The following FNTB variants were observed in gnomAD, a reference collection of about 807,000 sequenced individuals.
The protein encoded by FNTB is farnesyltransferase, CAAX box, subunit beta.
Under a neutral mutation model 59.4 loss-of-function variants are expected in FNTB, and 27 were observed. That is an observed-to-expected ratio of 0.45 (90% CI 0.34 to 0.63). The LOEUF (loss-of-function observed/expected upper bound fraction) is 0.63, where lower values mean the gene tolerates loss of function less well. Among genes scored for constraint, FNTB ranks in the 20% least tolerant of loss-of-function variants. The pLI is 0.02. For synonymous variants in FNTB, 230 were observed against 220.7 expected (o/e 1.04, Z -0.37); for missense variants, 449 against 559.6 (o/e 0.80, Z 1.99).
chr14:65,022,052 C>G (rs946634888), intron 4 of FNTB: 3 of 455,948 alleles, frequency 6.6e-6, no homozygotes, highest in African/African-American at 6.0e-5. Flanking sequence ...CTGTGAGCAG[C>G]AGAGGCCACC....
intron 7 of FNTB, among the ~76,000 whole-genome samples, chr14:65,033,633 G>A (rs1292219670): frequency 2.0e-5 from 3 of 152,188 alleles, no homozygotes; most frequent in African/African-American, 4.8e-5. Flanking sequence ...CAGGGCAAGC[G>A]GATCATGAGG....
intron 10 of FNTB, 23 bp downstream of exon 10, chr14:65,053,372 G>A: frequency 1.4e-6 from 2 of 1,403,134 alleles, no homozygotes; most frequent in Non-Finnish European, 1.9e-6. Flanking sequence ...TCTCTGGGGA[G>A]GGAAGGGAGA....
rs2062864499 is a variant in FNTB, at chr14:65,061,464, G to A, written c.*152G>A. On this transcript the variant is annotated 3_prime_UTR_variant, in exon 12 of 12. Coordinates refer to ENST00000246166, the MANE Select transcript of FNTB (RefSeq NM_002028.4). ...TACTTTCTTGTCAAACAAAACCAAT[G>A]GCTCTGGGTTTGGAGAACACAGTGG... 1 of 1,327,680 alleles carries A rather than the reference G, an allele frequency of 7.5e-7. No homozygotes were observed. Among genetic ancestry groups the A allele is most frequent in the Non-Finnish European group, 1.0e-6 (1 of 1,003,948 alleles). 82.2% of individuals were successfully genotyped at this position (1,327,680 alleles called of 1,614,324 possible).
At chr14:65,036,687 C>T (rs114748256) in intron 7 of FNTB, among the ~76,000 whole-genome samples, 2,584 of 150,004 alleles carry the variant, frequency 0.017, 44 homozygotes, top group African/African-American at 0.04. Context: ...TCTTTAGCGG[C>T]TTGGAATCTT....
At chr14:65,043,500 G>C (rs1198527280) in intron 8 of FNTB, among the ~76,000 whole-genome samples, 6 of 152,296 alleles carry the variant, frequency 3.9e-5, no homozygotes, top group South Asian at 2.1e-4. Context: ...CCAAGTAAAA[G>C]TCAGGAGCAG....
rs551635120 is a variant in FNTB, at chr14:65,031,648, C to T, written c.606-962C>T. Among the ~76,000 whole-genome samples, 24 of 151,396 alleles carry T rather than the reference C, an allele frequency of 1.6e-4. No individual in the cohort carries two copies. The South Asian group carries it at 3.0e-3, about 19-fold the overall frequency. On this transcript the variant is annotated intron_variant, in intron 6 of 11. Coordinates refer to ENST00000246166, the MANE Select transcript of FNTB (RefSeq NM_002028.4). The surrounding 1 kb of genome is among the most constrained non-coding windows in gnomAD (Gnocchi z 4.6). ...GCTTTTTTAAAAAATAGCCCGGGCG[C>T]GGTGGCTTATGCCTGTAATCCCAGC...
rs117693151 is a variant in FNTB at position 65,023,169 on chromosome 14, C to T, written c.375-4284C>T. On this transcript the variant is annotated intron_variant, in intron 4 of 11. Coordinates refer to ENST00000246166, the MANE Select transcript of FNTB (RefSeq NM_002028.4). The surrounding 1 kb of genome is among the most constrained non-coding windows in gnomAD (Gnocchi z 4.1). ...ACTTCCCCAAGCTCAAGTGATCCTC[C>T]CACCTCAGCCTCCTGAGTAGCTGGG... Among the ~76,000 whole-genome samples, 13,628 of 152,212 alleles carry T rather than the reference C, an allele frequency of 0.09. 852 individuals carry two copies. The highest frequency in any genetic ancestry group is 0.16 in the Admixed American group (2,443 of 15,296).
chr14:65,032,791 G>C lies in FNTB; in HGVS notation c.692+95G>C. ...AAGAAAATGCAGAGGGACTTGGAAG[G>C]AAATACAAAAATCACAGGAGATCCA... On this transcript the variant is annotated intron_variant, in intron 7 of 11. Transcript: ENST00000246166. This position sits in a 1 kb window ranked among gnomAD's most constrained non-coding sequence, Gnocchi z 5.0. 1.6e-6 allele frequency: 2 copies of C among 1,230,034 alleles called. No individual in the cohort carries two copies. The highest frequency in any genetic ancestry group is 3.1e-5 in the South Asian group (2 of 65,508). The allele number at this position is 1,230,034 out of a possible 1,614,324, so 76.2% of individuals were successfully genotyped here.
At chr14:65,060,551 C>T (rs1269969245) in intron 11 of FNTB, among the ~76,000 whole-genome samples, 2 of 127,662 alleles carry the variant, frequency 1.6e-5, no homozygotes, top group Non-Finnish European at 3.0e-5. Context: ...AAAAAATTAG[C>T]CGGGCGTAGT....
In FNTB at chr14:65,032,349, T is replaced by C. The variant is rs1327520569; in HGVS notation, c.606-261T>C. The C allele has an allele frequency of 1.2e-5, 4 of 336,670 alleles. No individual in the cohort carries two copies. Among genetic ancestry groups the C allele is most frequent in the Non-Finnish European group, 2.2e-5 (4 of 185,700 alleles). The allele number at this position is 336,670 out of a possible 1,614,324, so 20.9% of individuals were successfully genotyped here. On this transcript the variant is annotated intron_variant, in intron 6 of 11. Coordinates refer to ENST00000246166, the MANE Select transcript of FNTB (RefSeq NM_002028.4). The surrounding 1 kb of genome is among the most constrained non-coding windows in gnomAD (Gnocchi z 5.0). The stretch of plus-strand genomic sequence containing the variant: ...ATGAATTGATATGGCTGTTATTTCC[T>C]CTGATGTAGATTGGACCATGTGGAG...
chr14:65,045,574 C>A (rs1177927883), intron 9 of FNTB, among the ~76,000 whole-genome samples: 1 of 152,076 alleles, frequency 6.6e-6, no homozygotes, highest in African/African-American at 2.4e-5. Flanking sequence ...TGCCACCACA[C>A]CTGGCTAATT....
At chr14:65,041,224 T>C (rs968250833) in intron 8 of FNTB, among the ~76,000 whole-genome samples, 1 of 152,256 alleles carries the variant, frequency 6.6e-6, no homozygotes, top group Non-Finnish European at 1.5e-5. Context: ...TCGTGTGTTA[T>C]AGAAAGAACC....
intron 7 of FNTB, among the ~76,000 whole-genome samples, chr14:65,033,117 C>CG (rs1439750546): frequency 1.3e-5 from 2 of 151,868 alleles, no homozygotes; most frequent in African/African-American, 4.8e-5. Context: ...CTCATAAGCA[C>CG]GAGATGGGTA....
At chr14:65,006,176 C>G (rs1407861501) in intron 2 of FNTB, 1 of 1,564,054 alleles carries the variant, frequency 6.4e-7, no homozygotes, top group African/African-American at 1.4e-5. Flanking sequence ...TTTTTTTTGC[C>G]ACCATTTCCT....
chr14:65,054,184 C>T lies in FNTB; in HGVS notation c.1068-391C>T, dbSNP rs1220159813. Among the ~76,000 whole-genome samples the T allele has an allele frequency of 1.3e-5, 2 of 152,100 alleles. No homozygotes were observed. Among genetic ancestry groups the T allele is most frequent in the African/African-American group, 4.8e-5 (2 of 41,414 alleles). On this transcript the variant is annotated intron_variant, in intron 10 of 11. Transcript: ENST00000246166. The surrounding 1 kb of genome is among the most constrained non-coding windows in gnomAD (Gnocchi z 4.4). ...CTGGAGTGCAGTGTCACAATCATGA[C>T]TCACTGCAGCCTTCACCTCTTGGGC...
At chr14:65,003,634 G>A (rs2061542499) in intron 1 of FNTB, 2 of 152,214 alleles carry the variant, frequency 1.3e-5, no homozygotes, top group South Asian at 2.1e-4. Flanking sequence ...AGAGAAGATT[G>A]TGGGCGAAGC....
intron 7 of FNTB, among the ~76,000 whole-genome samples, chr14:65,034,400 A>G (rs1248665111): frequency 6.6e-6 from 1 of 152,238 alleles, no homozygotes; most frequent in African/African-American, 2.4e-5. Context: ...ATACATTTTT[A>G]ATATCTTGCA....
At chr14:65,056,873 G>A (rs984824423) in intron 11 of FNTB, among the ~76,000 whole-genome samples, 2 of 152,322 alleles carry the variant, frequency 1.3e-5, no homozygotes, top group African/African-American at 2.4e-5. Flanking sequence ...TTTAGCTCAT[G>A]GTTCTATAGA....
chr14:65,040,083 A>T (rs149127312), intron 7 of FNTB, among the ~76,000 whole-genome samples: 1,707 of 152,182 alleles, frequency 0.011, 15 homozygotes, highest in Non-Finnish European at 0.018. Context: ...CCAGCTACTC[A>T]GGAGGCTGAG....
Sources: gnomAD v4.1 joint callset for allele counts (sites outside exome capture counted in the v4.1 genomes callset) on GRCh38, gnomAD v4.1.1 for gene constraint, Gnocchi (gnomAD v3.1) non-coding constraint, MANE v1.5 for transcripts, NCBI Gene and HGNC (gene_info 2026-07-23, HGNC 2026-07-21) for gene names.